The following FAS variants were observed in gnomAD, a reference collection of about 807,000 sequenced individuals.
FAS encodes Fas cell surface death receptor.
FAS carries 5 observed loss-of-function variants against 33.2 expected under a neutral mutation model. The ratio of observed to expected loss-of-function variants is 0.15; its 90% CI spans 0.08 to 0.32. The LOEUF is 0.32. FAS is among the 10% of genes least tolerant of loss of function. The probability of loss-of-function intolerance (pLI) is 1.00; values close to 1 mark genes in which losing one functional copy is unlikely to be tolerated. For missense variants in FAS, 339 were observed against 386.0 expected (o/e 0.88, Z 1.02); for synonymous variants, 131 against 130.7 (o/e 1.00, Z -0.01).
upstream of FAS, among the ~76,000 whole-genome samples, chr10:88,987,320 A>T (rs1001869761): frequency 6.6e-6 from 1 of 152,238 alleles, no homozygotes; most frequent in Non-Finnish European, 1.5e-5. Flanking sequence ...ATAATTTATC[A>T]GTTAAGATTT....
At chr10:88,970,511 G>A (rs1227509227) in intron 1 of FAS, among the ~76,000 whole-genome samples, 1 of 152,188 alleles carries the variant, frequency 6.6e-6, no homozygotes, top group Non-Finnish European at 1.5e-5. Flanking sequence ...TCACAACTCA[G>A]AGAGGTAGTG....
intron 7 of FAS, chr10:89,012,969 AT>A (rs1564697735): frequency 6.3e-6 from 1 of 157,840 alleles, no homozygotes; most frequent in African/African-American, 2.4e-5. Flanking sequence ...AAAAATTTCA[AT>A]TTGAGCCATT....
intron 2 of FAS, among the ~76,000 whole-genome samples, chr10:88,979,201 G>C (rs1018342798): frequency 6.6e-6 from 1 of 152,028 alleles, no homozygotes; most frequent in Non-Finnish European, 1.5e-5. Flanking sequence ...TGTTGTGTAT[G>C]AGCGTAGGGA....
At position 89,014,364 on chromosome 10, in the gene FAS, G is replaced by A; in HGVS notation, c.922G>A (p.Glu308Lys). 6.2e-7 allele frequency: 1 copy of A among 1,613,752 alleles called. No individual in the cohort carries two copies. The highest frequency in any genetic ancestry group is 8.5e-7 in the Non-Finnish European group (1 of 1,179,936). ...LKKANLCTLAEKIQTIILKDI... is the reference protein window; with the variant it reads ...LKKANLCTLAKKIQTIILKDI... ...AAAAGCCAATCTTTGTACTCTTGCA[G>A]AGAAAATTCAGACTATCATCCTCAA... The change falls in exon 9 of 9, where the codon GAG (glutamate) becomes AAG (lysine). Residue 308 changes from glutamate to lysine, a missense_variant. Glu to Lys is a moderately conservative substitution (Grantham distance 56). Transcript: ENST00000652046.
chr10:89,012,330 T>C (rs1848574283), intron 7 of FAS: 2 of 428,862 alleles, frequency 4.7e-6, no homozygotes, highest in Admixed American at 7.5e-5. Context: ...TGCACCACCA[T>C]GCCAGGTTAA....
At position 88,990,925 on chromosome 10, in the gene FAS, G is replaced by T. The variant is rs202165529; in HGVS notation, c.30+19G>T. 1.0e-4 allele frequency: 167 copies of T among 1,614,076 alleles called. No individual in the cohort carries two copies. Among genetic ancestry groups the T allele is most frequent in the Non-Finnish European group, 1.3e-4 (159 of 1,180,022 alleles). On this transcript the variant is annotated intron_variant, in intron 1 of 8. Coordinates refer to ENST00000652046, the MANE Select transcript of FAS (RefSeq NM_000043.6). This position sits in a 1 kb window ranked among gnomAD's most constrained non-coding sequence, Gnocchi z 4.9. Reference sequence around the variant, plus strand: ...ACCTCTGGTGAGCCCTCTCCTGCCCGGGTGGAGGCTTACCCCGTCTTAGTC... The same window carrying T: ...ACCTCTGGTGAGCCCTCTCCTGCCCTGGTGGAGGCTTACCCCGTCTTAGTC...
intron 2 of FAS, chr10:88,974,169 G>C (rs1420548638): frequency 6.6e-6 from 1 of 151,318 alleles, no homozygotes; most frequent in African/African-American, 2.4e-5. Context: ...TTTAAAACTA[G>C]AACTAAACCA....
At chr10:88,968,970 C>G (rs539442321) in intron 1 of FAS, among the ~76,000 whole-genome samples, 27 of 152,076 alleles carry the variant, frequency 1.8e-4, no homozygotes, top group African/African-American at 6.5e-4. Context: ...ATGTCTCCCC[C>G]CAACCCCCAC....
chr10:88,973,376 T>C (rs748684542), intron 2 of FAS: 4 of 1,444,296 alleles, frequency 2.8e-6, no homozygotes, highest in African/African-American at 1.4e-5. Flanking sequence ...GGCGAACAAT[T>C]GTGAAAATCT....
chr10:88,997,264 A>C (rs1303042190), intron 1 of FAS, among the ~76,000 whole-genome samples: 4 of 152,206 alleles, frequency 2.6e-5, no homozygotes, highest in Non-Finnish European at 4.4e-5. Flanking sequence ...TTTTTATTAA[A>C]TAATGCATCA....
chr10:88,975,937 T>A (rs899907826), intron 2 of FAS, among the ~76,000 whole-genome samples: 1 of 152,196 alleles, frequency 6.6e-6, no homozygotes, highest in Admixed American at 6.5e-5. Context: ...ATTTCTTTCC[T>A]CTTCATTTGG....
At chr10:88,997,020 G>C (rs1378633701) in intron 1 of FAS, among the ~76,000 whole-genome samples, 1 of 152,170 alleles carries the variant, frequency 6.6e-6, no homozygotes, top group Admixed American at 6.5e-5. Flanking sequence ...ATTTTTGGAA[G>C]GGTCATTATT....
intron 1 of FAS, among the ~76,000 whole-genome samples, chr10:88,966,438 T>A (rs749554014): frequency 6.6e-6 from 1 of 152,184 alleles, no homozygotes; most frequent in Non-Finnish European, 1.5e-5. Flanking sequence ...TTTTGTAATC[T>A]ATAAGTGTGT....
upstream of FAS, chr10:88,990,437 T>A (rs374977256): frequency 8.2e-6 from 4 of 489,190 alleles, no homozygotes; most frequent in Middle Eastern, 5.9e-4. The surrounding 1 kb of genome is among the most constrained non-coding windows in gnomAD (Gnocchi z 4.9). Context: ...TCACCTGAAG[T>A]GAGCATGCCA....
upstream of FAS, among the ~76,000 whole-genome samples, chr10:88,984,873 T>C (rs769261816): frequency 5.3e-5 from 8 of 152,208 alleles, no homozygotes; most frequent in Non-Finnish European, 1.0e-4. Flanking sequence ...TTTCAGTTAT[T>C]TTCTGGAAAG....
chr10:88,971,442 T>C (rs1227599172), intron 1 of FAS, among the ~76,000 whole-genome samples: 6 of 152,220 alleles, frequency 3.9e-5, no homozygotes, highest in Admixed American at 2.0e-4. Context: ...CCATTTAAAT[T>C]CAAGTTAGGA....
chr10:88,979,600 T>A (rs1846659327), intron 2 of FAS, among the ~76,000 whole-genome samples: 1 of 152,058 alleles, frequency 6.6e-6, no homozygotes, highest in South Asian at 2.1e-4. Context: ...CTCTTTTAAT[T>A]GTTAATGATG....
intron 1 of FAS, chr10:89,002,617 G>A (rs1847991750): frequency 8.6e-6 from 2 of 231,938 alleles, no homozygotes; most frequent in Non-Finnish European, 1.7e-5. Context: ...TATTTGTTAT[G>A]TGCCAGGTTC....
chr10:89,007,987 G>A (rs912511928), intron 3 of FAS, 150 bp downstream of exon 3: 1 of 1,200,230 alleles, frequency 8.3e-7, no homozygotes, highest in African/African-American at 1.5e-5. Flanking sequence ...GCAGAACCAG[G>A]TGCCGAGCTA....
Sources: gnomAD v4.1 joint callset for allele counts (sites outside exome capture counted in the v4.1 genomes callset) on GRCh38, gnomAD v4.1.1 for gene constraint, Gnocchi (gnomAD v3.1) non-coding constraint, MANE v1.5 for transcripts, NCBI Gene and HGNC (gene_info 2026-07-23, HGNC 2026-07-21) for gene names.